Variants in PCDH9 observed in about 807,000 individuals in gnomAD.
The protein encoded by PCDH9 is protocadherin-9.
PCDH9 carries 24 observed loss-of-function variants against 70.6 expected under a neutral mutation model. That is an observed-to-expected ratio of 0.34 (90% CI 0.25 to 0.48). PCDH9 has a LOEUF of 0.48. PCDH9 is among the 20% of genes least tolerant of loss of function. The probability of loss-of-function intolerance (pLI) is 0.99; values close to 1 mark genes in which losing one functional copy is unlikely to be tolerated. For missense variants in PCDH9, 1,281 were observed against 1,503.6 expected (o/e 0.85, Z 2.45); for synonymous variants, 562 against 558.5 (o/e 1.01, Z -0.09).
At chr13:66,486,478 T>A (rs9599119) in intron 4 of PCDH9, among the ~76,000 whole-genome samples, 1 of 150,226 alleles carries the variant, frequency 6.7e-6, no homozygotes, top group Admixed American at 6.6e-5. Flanking sequence ...AAAATAAAAA[T>A]AAAAAAAATT....
intron 3 of PCDH9, among the ~76,000 whole-genome samples, chr13:66,794,647 G>A (rs570089034): frequency 1.3e-5 from 2 of 152,176 alleles, no homozygotes; most frequent in East Asian, 3.9e-4. Flanking sequence ...AGGAAGAATG[G>A]CTGGCAGTAA....
At chr13:66,442,000 T>G (rs530396469) in intron 4 of PCDH9, among the ~76,000 whole-genome samples, 1 of 152,270 alleles carries the variant, frequency 6.6e-6, no homozygotes, top group African/African-American at 2.4e-5. Context: ...CTATTTGGGT[T>G]TTTAATCTGA....
intron 2 of PCDH9, among the ~76,000 whole-genome samples, chr13:67,160,089 C>T (rs1338899889): frequency 6.6e-6 from 1 of 152,136 alleles, no homozygotes; most frequent in African/African-American, 2.4e-5. Context: ...AATTCTGACT[C>T]CTCTGAATTT....
intron 2 of PCDH9, among the ~76,000 whole-genome samples, chr13:67,060,258 A>G (rs2085513015): frequency 1.3e-5 from 2 of 151,986 alleles, no homozygotes; most frequent in South Asian, 4.1e-4. Context: ...ATTCTGTATC[A>G]TTTTTACAGC....
chr13:66,405,952 G>A (rs967630477), intron 4 of PCDH9, among the ~76,000 whole-genome samples: 5 of 152,100 alleles, frequency 3.3e-5, no homozygotes, highest in African/African-American at 4.8e-5. Context: ...GGAATGGAAT[G>A]AGTCAGGGAG....
intron 2 of PCDH9, among the ~76,000 whole-genome samples, chr13:67,037,241 G>T (rs1439583743): frequency 1.3e-5 from 2 of 152,144 alleles, no homozygotes; most frequent in Non-Finnish European, 2.9e-5. Context: ...GCTAAGTAGT[G>T]TTGGAACTGT....
intron 2 of PCDH9, among the ~76,000 whole-genome samples, chr13:66,918,501 A>G (rs9540943): frequency 0.98 from 148,876 of 151,156 alleles, 73,355 homozygotes; most frequent in East Asian, 1. Flanking sequence ...GTAAGAGCAA[A>G]AAAAGAGAAA....
intron 4 of PCDH9, among the ~76,000 whole-genome samples, chr13:66,507,380 A>C (rs751923998): frequency 6.6e-6 from 1 of 152,106 alleles, no homozygotes; most frequent in Non-Finnish European, 1.5e-5. Context: ...CAAATCACAA[A>C]ATAATAATTT....
Position 66,895,816 on chromosome 13 carries a change from T to C in PCDH9, c.3138+7688A>G, listed in dbSNP as rs142756074. 3.0e-3 allele frequency among the ~76,000 whole-genome samples: 452 copies of C among 152,362 alleles called. 9 individuals are homozygous for C. The highest frequency in any genetic ancestry group is 0.022 in the Admixed American group (331 of 15,292). On this transcript the variant is annotated intron_variant, in intron 3 of 4. Transcript: ENST00000377865. Reference sequence around the variant, plus strand: ...CATTTTCGTTGTTTTGTTATATCTTTAGGATCCTTCAGTGGAAGATACTAT... The same window carrying C: ...CATTTTCGTTGTTTTGTTATATCTTCAGGATCCTTCAGTGGAAGATACTAT...
At chr13:67,063,089 T>A (rs1214297846) in intron 2 of PCDH9, among the ~76,000 whole-genome samples, 2 of 152,180 alleles carry the variant, frequency 1.3e-5, no homozygotes, top group Non-Finnish European at 2.9e-5. Context: ...GGTGTATTTC[T>A]TACTCATACT....
intron 2 of PCDH9, among the ~76,000 whole-genome samples, chr13:66,976,320 G>T (rs1326083738): frequency 6.6e-6 from 1 of 152,046 alleles, no homozygotes; most frequent in South Asian, 2.1e-4. Context: ...TATGGTAGTA[G>T]TCTATGTAAA....
intron 2 of PCDH9, among the ~76,000 whole-genome samples, chr13:66,994,442 C>T (rs551513862): frequency 1.2e-4 from 19 of 152,138 alleles, no homozygotes; most frequent in South Asian, 6.2e-4. Context: ...ATATGCAGAG[C>T]GCTGAGACTA....
chr13:66,907,254 A>T (rs1297437609), intron 2 of PCDH9, among the ~76,000 whole-genome samples: 1 of 152,092 alleles, frequency 6.6e-6, no homozygotes, highest in Non-Finnish European at 1.5e-5. Flanking sequence ...CCACCAAAAA[A>T]TTTTACTGTT....
chr13:66,976,857 G>A (rs1299442001), intron 2 of PCDH9, among the ~76,000 whole-genome samples: 1 of 152,018 alleles, frequency 6.6e-6, no homozygotes, highest in African/African-American at 2.4e-5. Context: ...TTTATCCATA[G>A]GACCACCTTT....
intron 3 of PCDH9, among the ~76,000 whole-genome samples, chr13:66,643,322 A>G (rs929361139): frequency 7.2e-5 from 11 of 152,104 alleles, no homozygotes; most frequent in African/African-American, 2.2e-4. Context: ...TGGAATAAAC[A>G]TGAATAAGAT....
chr13:66,967,812 G>T (rs2083455063), intron 2 of PCDH9, among the ~76,000 whole-genome samples: 1 of 151,940 alleles, frequency 6.6e-6, no homozygotes, highest in Non-Finnish European at 1.5e-5. Flanking sequence ...TGGCTTAGAT[G>T]GTCCTTCATT....
intron 4 of PCDH9, among the ~76,000 whole-genome samples, chr13:66,496,659 G>A (rs1959122687): frequency 6.6e-6 from 1 of 152,054 alleles, no homozygotes. Context: ...AGTTATTATG[G>A]AAACAATATG....
chr13:66,903,417 A>G, intron 3 of PCDH9, 87 bp downstream of exon 3: 2 of 510,638 alleles, frequency 3.9e-6, no homozygotes, highest in South Asian at 3.8e-5. Flanking sequence ...CAAAGACAAT[A>G]ATACTAATTA....
chr13:66,613,364 T>A (rs187370883), intron 4 of PCDH9, among the ~76,000 whole-genome samples: 53 of 152,358 alleles, frequency 3.5e-4, no homozygotes, highest in Non-Finnish European at 5.9e-4. Context: ...TTAAACCTTT[T>A]GTCTTGCCTC....
Sources: allele counts gnomAD v4.1 joint callset (sites outside exome capture counted in the v4.1 genomes callset), GRCh38; gene constraint gnomAD v4.1.1; transcripts MANE v1.5; gene names NCBI Gene and HGNC (gene_info 2026-07-23, HGNC 2026-07-21).